RHOBTB1: variants seen among roughly 807,000 people sequenced by gnomAD.
The protein encoded by RHOBTB1 is Rho related BTB domain containing 1, also known as rho-related BTB domain-containing protein 1.
RHOBTB1 carries 40 observed loss-of-function variants against 71.6 expected under a neutral mutation model. The observed-to-expected ratio is 0.56, with a 90% confidence interval of 0.43 to 0.73. RHOBTB1 has a LOEUF of 0.73. Among genes scored for constraint, RHOBTB1 ranks in the 30% least tolerant of loss-of-function variants. The pLI is 0.00. For missense variants in RHOBTB1, 797 were observed against 894.0 expected (o/e 0.89, Z 1.38); for synonymous variants, 319 against 334.9 (o/e 0.95, Z 0.52).
chr10:60,950,043 C>T (rs1019882149), intron 2 of RHOBTB1, among the ~76,000 whole-genome samples: 4 of 152,156 alleles, frequency 2.6e-5, no homozygotes, highest in African/African-American at 9.7e-5. Context: ...AATTCTGCAA[C>T]TCTAACTGCA....
At chr10:60,866,940 C>G (rs1363368085), downstream of RHOBTB1, among the ~76,000 whole-genome samples, 1 of 152,184 alleles carries the variant, frequency 6.6e-6, no homozygotes, top group Non-Finnish European at 1.5e-5. Context: ...TGATTGTCTT[C>G]TCTCTTGGAT....
At chr10:60,885,384 T>C (rs766875796) in intron 7 of RHOBTB1, among the ~76,000 whole-genome samples, 8 of 152,202 alleles carry the variant, frequency 5.3e-5, no homozygotes, top group Non-Finnish European at 1.0e-4. Flanking sequence ...TCTAAGCATA[T>C]GTCTCTTCTA....
In RHOBTB1 at chr10:60,929,681, GAAGT is replaced by G. The variant is rs776323027; in HGVS notation, c.-11+12119_-11+12122del. On this transcript the variant is annotated intron_variant, in intron 2 of 10. Coordinates refer to ENST00000337910, the MANE Select transcript of RHOBTB1 (RefSeq NM_014836.5). ...GGTTACAAAAGGCCAATTCATAATA[GAAGT>G]AACATGAACCTTCATAGACCAAAAA... Among the ~76,000 whole-genome samples the G allele has an allele frequency of 7.9e-5, 12 of 152,180 alleles. No homozygotes were observed. In the East Asian group the frequency reaches 2.1e-3, roughly 27 times the overall value.
At chr10:60,912,851 C>T (rs540821285) in intron 2 of RHOBTB1, 8 of 152,278 alleles carry the variant, frequency 5.3e-5, no homozygotes, top group African/African-American at 1.9e-4. Flanking sequence ...TTGTAATTGC[C>T]TTTTTGAGGG....
chr10:60,880,202 T>TGTGTGTGTGTGTGAGA (rs1418979791), intron 7 of RHOBTB1, among the ~76,000 whole-genome samples: 1 of 126,934 alleles, frequency 7.9e-6, no homozygotes, highest in African/African-American at 3.1e-5. Context: ...TGTGTGTGTG[T>TGTGTGTGTGTGTGAGA]GAGAGAGAGA....
At chr10:60,999,920 G>A (rs1484146926) in intron 1 of RHOBTB1, among the ~76,000 whole-genome samples, 3 of 152,112 alleles carry the variant, frequency 2.0e-5, no homozygotes, top group African/African-American at 7.2e-5. Context: ...GTTGCTTTAT[G>A]GGAGAAATTT....
chr10:60,962,785 C>T (rs939865269), intron 2 of RHOBTB1, among the ~76,000 whole-genome samples: 1 of 152,222 alleles, frequency 6.6e-6, no homozygotes, highest in Non-Finnish European at 1.5e-5. Context: ...CTGGTCCCAT[C>T]GTAACAATTT....
the RHOBTB1 span, among the ~76,000 whole-genome samples, chr10:60,862,911 TC>T: frequency 1.1e-5 from 1 of 90,672 alleles, no homozygotes; most frequent in Non-Finnish European, 2.1e-5. Flanking sequence ...CTCCCTCTCC[TC>T]TTTCTTTTCT....
At chr10:60,862,910 C>T in the RHOBTB1 span, among the ~76,000 whole-genome samples, 2 of 95,980 alleles carry the variant, frequency 2.1e-5, no homozygotes, top group Admixed American at 1.9e-4. Context: ...TCTCCCTCTC[C>T]TCTTTCTTTT....
intron 8 of RHOBTB1, among the ~76,000 whole-genome samples, chr10:60,876,214 G>T (rs1370486420): frequency 6.6e-6 from 1 of 152,092 alleles, no homozygotes; most frequent in Non-Finnish European, 1.5e-5. Flanking sequence ...TGTAGAAACT[G>T]ATTTTTAAAC....
intron 7 of RHOBTB1, among the ~76,000 whole-genome samples, chr10:60,880,882 TATCCATACAA>T (rs2081297433): frequency 6.6e-6 from 1 of 152,256 alleles, no homozygotes; most frequent in African/African-American, 2.4e-5. Flanking sequence ...TATTTACAGG[TATCCATACAA>T]ATTTGTTTCT....
chr10:60,928,064 G>A (rs2083996194), intron 2 of RHOBTB1, among the ~76,000 whole-genome samples: 1 of 152,044 alleles, frequency 6.6e-6, no homozygotes, highest in Admixed American at 6.6e-5. Flanking sequence ...CAACACATAT[G>A]AAAAAATGCT....
chr10:60,997,064 T>TACACACACAC lies in RHOBTB1; in HGVS notation c.-163+4325_-163+4334dup, dbSNP rs3049452. ...GTCTAGTAGCCACAGCATGGTTATGTACACACACACACACACACACACACA... is the reference window on the plus strand; with the variant it reads ...GTCTAGTAGCCACAGCATGGTTATGTACACACACACACACACACACACACACACACACACA... On this transcript the variant is annotated intron_variant, in intron 1 of 11. Coordinates refer to the RHOBTB1 transcript ENST00000357917. Among the ~76,000 whole-genome samples the TACACACACAC allele has an allele frequency of 1.4e-3, 210 of 144,944 alleles. 1 individual carries two copies. Among genetic ancestry groups the TACACACACAC allele is most frequent in the African/African-American group, 4.9e-3 (192 of 39,484 alleles).
At chr10:60,905,528 A>G (rs1183174879) in intron 4 of RHOBTB1, among the ~76,000 whole-genome samples, 1 of 152,104 alleles carries the variant, frequency 6.6e-6, no homozygotes, top group Non-Finnish European at 1.5e-5. Flanking sequence ...AATTTTAAAT[A>G]AAGTCAGCAT....
chr10:60,913,068 C>T (rs1290050230), intron 2 of RHOBTB1: 2 of 152,114 alleles, frequency 1.3e-5, no homozygotes, highest in Non-Finnish European at 2.9e-5. Context: ...TTTAATTCAT[C>T]TGATTGAGAA....
At chr10:60,878,169 G>T in intron 7 of RHOBTB1, 111 bp from the exon 8 acceptor site, 1 of 780,324 alleles carries the variant, frequency 1.3e-6, no homozygotes, top group Non-Finnish European at 2.1e-6. Context: ...GGTGAGTGTT[G>T]GACACCTGCT....
chr10:60,946,673 A>G (rs1483374725), upstream of RHOBTB1, among the ~76,000 whole-genome samples: 3 of 151,978 alleles, frequency 2.0e-5, no homozygotes, highest in Non-Finnish European at 4.4e-5. Flanking sequence ...TCTCAGTTCT[A>G]AGTTAAAAAA....
chr10:60,871,824 T>C (rs1162096189), intron 10 of RHOBTB1, among the ~76,000 whole-genome samples, 173 bp from the exon 11 acceptor site: 2 of 152,132 alleles, frequency 1.3e-5, no homozygotes, highest in East Asian at 3.9e-4. Flanking sequence ...AAGAATCTCT[T>C]ACCTGTAGTC....
chr10:60,932,032 TAG>T (rs2084284031), intron 2 of RHOBTB1, among the ~76,000 whole-genome samples: 1 of 152,186 alleles, frequency 6.6e-6, no homozygotes, highest in Non-Finnish European at 1.5e-5. Flanking sequence ...ATTCTAAGCT[TAG>T]ATCAATATAG....
Sources: gnomAD v4.1 joint callset for allele counts (sites outside exome capture counted in the v4.1 genomes callset) on GRCh38, gnomAD v4.1.1 for gene constraint, MANE v1.5 for transcripts, NCBI Gene and HGNC (gene_info 2026-07-23, HGNC 2026-07-21) for gene names.